The following VSTM2L variants were observed in gnomAD, a reference collection of about 807,000 sequenced individuals.
The protein encoded by VSTM2L is V-set and transmembrane domain containing 2 like.
A neutral mutation model predicts 19.9 loss-of-function variants in VSTM2L; 9 were observed. The ratio of observed to expected loss-of-function variants is 0.45; its 90% CI spans 0.27 to 0.79. The LOEUF is 0.79. Ranked by LOEUF, VSTM2L falls within the 30% of genes least tolerant of loss-of-function variation. The probability of loss-of-function intolerance (pLI) is 0.15; values close to 1 mark genes in which losing one functional copy is unlikely to be tolerated. For missense variants in VSTM2L, 286 were observed against 295.5 expected, an observed-to-expected ratio of 0.97 and a Z score of 0.24; for synonymous variants, 127 against 133.8, an observed-to-expected ratio of 0.95 and a Z score of 0.35.
At chr20:37,938,712 G>C (rs1454493668) in intron 3 of VSTM2L, among the ~76,000 whole-genome samples, 1 of 152,238 alleles carries the variant, frequency 6.6e-6, no homozygotes, top group Non-Finnish European at 1.5e-5. Flanking sequence ...GTCGATGCCT[G>C]TGCGGAGGTG....
At chr20:37,925,380 G>C (rs1186927903) in intron 1 of VSTM2L, among the ~76,000 whole-genome samples, 1 of 152,172 alleles carries the variant, frequency 6.6e-6, no homozygotes. Context: ...CTGTACAGAG[G>C]AGCAGAGGCT....
chr20:37,921,396 AGTAC>A (rs2072850328), intron 1 of VSTM2L, among the ~76,000 whole-genome samples: 1 of 152,214 alleles, frequency 6.6e-6, no homozygotes, highest in Non-Finnish European at 1.5e-5. Flanking sequence ...ATGAGGCCCA[AGTAC>A]GGGAGCTTCC....
intron 1 of VSTM2L, among the ~76,000 whole-genome samples, chr20:37,923,446 T>C (rs1009761222): frequency 2.6e-5 from 4 of 152,180 alleles, no homozygotes; most frequent in Non-Finnish European, 5.9e-5. Flanking sequence ...AAAGAAGATG[T>C]TGCATTCAAT....
intron 3 of VSTM2L, among the ~76,000 whole-genome samples, chr20:37,936,673 G>A (rs2072942356): frequency 1.3e-5 from 2 of 152,092 alleles, no homozygotes; most frequent in Non-Finnish European, 2.9e-5. Flanking sequence ...GGGACCGTGA[G>A]GACACAGTGG....
chr20:37,916,226 C>T (rs948139493), intron 1 of VSTM2L, among the ~76,000 whole-genome samples: 4 of 152,218 alleles, frequency 2.6e-5, no homozygotes, highest in African/African-American at 7.2e-5. Context: ...GCAGGATGTA[C>T]TGGGGAGAAT....
rs2072999999 is a variant in VSTM2L at position 37,944,962 on chromosome 20, G to A, written c.*709G>A. On this transcript the variant is annotated 3_prime_UTR_variant, in exon 4 of 4. Transcript: ENST00000373461. The stretch of plus-strand genomic sequence containing the variant: ...CCTTTCCCTCGGACCCATGGCCCCA[G>A]GCAGAGTTTTGCACCAGCAGGACCC... 5 of 985,666 alleles carry A rather than the reference G, an allele frequency of 5.1e-6. No homozygotes were observed. Among genetic ancestry groups the A allele is most frequent in the African/African-American group, 1.7e-5 (1 of 57,178 alleles). The allele number at this position is 985,666 out of a possible 1,614,324, so 61.1% of individuals were successfully genotyped here.
At chr20:37,905,159 T>G (rs962273915) in intron 1 of VSTM2L, among the ~76,000 whole-genome samples, 2 of 152,104 alleles carry the variant, frequency 1.3e-5, no homozygotes, top group Non-Finnish European at 2.9e-5. Context: ...CTAGGGAAAC[T>G]GGGAATTCCT....
At chr20:37,933,637 G>C in intron 3 of VSTM2L, 48 bp downstream of exon 3, 1 of 1,601,846 alleles carries the variant, frequency 6.2e-7, no homozygotes, top group Non-Finnish European at 8.5e-7. Context: ...GGAGGGCACA[G>C]CTGTGACTTA....
At chr20:37,914,541 G>C (rs576999669) in intron 1 of VSTM2L, among the ~76,000 whole-genome samples, 55 of 151,442 alleles carry the variant, frequency 3.6e-4, no homozygotes, top group African/African-American at 1.3e-3. Context: ...CTCCTTTCTA[G>C]TCCTTGCACA....
chr20:37,934,230 G>A (rs2072926955), intron 3 of VSTM2L, among the ~76,000 whole-genome samples: 2 of 152,232 alleles, frequency 1.3e-5, no homozygotes, highest in African/African-American at 4.8e-5. Context: ...GCAGGCCAGT[G>A]CAGCTGGGGC....
At position 37,940,457 on chromosome 20, in the gene VSTM2L, G is replaced by A. The variant is rs376337045; in HGVS notation, c.343-3524G>A. On this transcript the variant is annotated intron_variant, in intron 3 of 3. Transcript: ENST00000373461. ...GGCTCAGCATGAGGGAGGAAGATCA[G>A]GCTCCCTGCTGCTGGACACTCTCTT... Among the ~76,000 whole-genome samples the A allele has an allele frequency of 2.0e-3, 312 of 152,354 alleles. 3 individuals are homozygous for A. The highest frequency in any genetic ancestry group is 7.0e-3 in the African/African-American group (290 of 41,588).
intron 3 of VSTM2L, among the ~76,000 whole-genome samples, chr20:37,942,880 T>C (rs907804280): frequency 6.6e-6 from 1 of 152,272 alleles, no homozygotes; most frequent in South Asian, 2.1e-4. Flanking sequence ...TCCCCCCAAG[T>C]GGAGTGAATA....
At chr20:37,936,474 T>C (rs1045459849) in intron 3 of VSTM2L, among the ~76,000 whole-genome samples, 5 of 152,150 alleles carry the variant, frequency 3.3e-5, no homozygotes, top group African/African-American at 1.2e-4. Context: ...CAGAATCTCA[T>C]AGGGAGATCA....
chr20:37,916,656 T>A (rs1265917852), intron 1 of VSTM2L, among the ~76,000 whole-genome samples: 1 of 152,202 alleles, frequency 6.6e-6, no homozygotes, highest in Non-Finnish European at 1.5e-5. Flanking sequence ...TCCCCATCTG[T>A]AAGAAGAGGA....
chr20:37,913,640 G>C (rs1040967446), intron 1 of VSTM2L, among the ~76,000 whole-genome samples: 1 of 152,344 alleles, frequency 6.6e-6, no homozygotes, highest in Middle Eastern at 3.4e-3. Context: ...TCCTAGAGCA[G>C]TCAGGGGAGA....
intron 3 of VSTM2L, among the ~76,000 whole-genome samples, chr20:37,938,425 C>T (rs73296448): frequency 0.1 from 15,155 of 152,190 alleles, 879 homozygotes; most frequent in Middle Eastern, 0.22. Context: ...GCATCTGACC[C>T]CTATTCCTCA....
intron 1 of VSTM2L, among the ~76,000 whole-genome samples, chr20:37,917,868 A>C (rs1164980222): frequency 6.6e-6 from 1 of 152,234 alleles, no homozygotes; most frequent in East Asian, 1.9e-4. Flanking sequence ...CACCAGGGGC[A>C]ACATTTCTTT....
intron 3 of VSTM2L, among the ~76,000 whole-genome samples, chr20:37,943,193 G>C (rs929314369): frequency 5.3e-5 from 8 of 152,064 alleles, no homozygotes; most frequent in African/African-American, 1.4e-4. Flanking sequence ...AACATGCCCA[G>C]GTCTCAAACT....
Position 37,944,917 on chromosome 20 carries a change from G to C in VSTM2L, c.*664G>C. 4.1e-6 allele frequency: 4 copies of C among 985,918 alleles called. No individual in the cohort carries two copies. In the South Asian group the frequency reaches 1.4e-4, roughly 35 times the overall value. 61.1% of individuals were successfully genotyped at this position (985,918 alleles called of 1,614,324 possible). Reference sequence around the variant, plus strand: ...TCCAGGATTCTCTGCCCTGTCACACGGCGAGTCAGAAGGGAGGGGCCTTTC... The same window carrying C: ...TCCAGGATTCTCTGCCCTGTCACACCGCGAGTCAGAAGGGAGGGGCCTTTC... On this transcript the variant is annotated 3_prime_UTR_variant, in exon 4 of 4. Coordinates refer to ENST00000373461, the MANE Select transcript of VSTM2L (RefSeq NM_080607.3).
Sources: allele counts gnomAD v4.1 joint callset (sites outside exome capture counted in the v4.1 genomes callset), GRCh38; gene constraint gnomAD v4.1.1; transcripts MANE v1.5; gene names NCBI Gene and HGNC (gene_info 2026-07-23, HGNC 2026-07-21).